The following ABCB1 variants were observed in gnomAD, a reference collection of about 807,000 sequenced individuals.
The protein encoded by ABCB1 is ATP binding cassette subfamily B member 1.
A neutral mutation model predicts 142.0 loss-of-function variants in ABCB1; 69 were observed. The ratio of observed to expected loss-of-function variants is 0.49; its 90% confidence interval spans 0.40 to 0.59. The LOEUF is 0.59. Among genes scored for constraint, ABCB1 ranks in the 20% least tolerant of loss-of-function variants. ABCB1 has a pLI of 0.00. For synonymous variants in ABCB1, 532 were observed against 539.2 expected (o/e 0.99, Z 0.18); for missense variants, 1,326 against 1,554.7 (o/e 0.85, Z 2.47).
chr7:87,506,101 T>C (rs1814725544), intron 26 of ABCB1, 58 bp from the exon 27 acceptor site: 2 of 1,566,790 alleles, frequency 1.3e-6, no homozygotes, highest in Non-Finnish European at 1.8e-6. Flanking sequence ...TCTAACAGCT[T>C]GCTTATAGAA....
At chr7:87,592,242 G>C (rs1036540806) in intron 3 of ABCB1, among the ~76,000 whole-genome samples, 4 of 152,182 alleles carry the variant, frequency 2.6e-5, no homozygotes, top group Non-Finnish European at 5.9e-5. Flanking sequence ...AGAAGAGAAT[G>C]AGTGGTAATA....
intron 4 of ABCB1, among the ~76,000 whole-genome samples, chr7:87,576,438 A>C (rs1275910629): frequency 6.7e-6 from 1 of 149,338 alleles, no homozygotes; most frequent in East Asian, 1.9e-4. Context: ...TATTATATAT[A>C]AAATATAATT....
intron 4 of ABCB1, among the ~76,000 whole-genome samples, chr7:87,574,342 A>G (rs1429506092): frequency 6.6e-6 from 1 of 152,168 alleles, no homozygotes. Flanking sequence ...GGCCTCCAAG[A>G]CACACCCCAG....
intron 1 of ABCB1, among the ~76,000 whole-genome samples, chr7:87,623,746 A>C (rs1820310017): frequency 6.6e-6 from 1 of 151,354 alleles, no homozygotes; most frequent in Non-Finnish European, 1.5e-5. Flanking sequence ...CTCGCTTCTG[A>C]TAGTTTTTTT....
chr7:87,693,249 C>G (rs904670201), intron 1 of ABCB1, among the ~76,000 whole-genome samples: 3 of 151,994 alleles, frequency 2.0e-5, no homozygotes, highest in Non-Finnish European at 4.4e-5. Context: ...GAAGCTGTAA[C>G]AAATAAAACA....
chr7:87,601,926 C>A (rs540025603), upstream of ABCB1, among the ~76,000 whole-genome samples: 3 of 152,328 alleles, frequency 2.0e-5, no homozygotes, highest in East Asian at 5.8e-4. Flanking sequence ...TTCTTGACTA[C>A]AAATTTTCCT....
At chr7:87,621,282 A>G (rs1299965244) in intron 1 of ABCB1, among the ~76,000 whole-genome samples, 1 of 152,170 alleles carries the variant, frequency 6.6e-6, no homozygotes, top group African/African-American at 2.4e-5. Flanking sequence ...GCCACTTATT[A>G]GATTTTGGTA....
intron 4 of ABCB1, among the ~76,000 whole-genome samples, chr7:87,582,568 C>T (rs1412612537): frequency 6.6e-6 from 1 of 152,104 alleles, no homozygotes; most frequent in Non-Finnish European, 1.5e-5. Context: ...CACTCAATAC[C>T]CTACTTCAGA....
chr7:87,621,455 T>C (rs1245102134), intron 1 of ABCB1, among the ~76,000 whole-genome samples: 1 of 152,078 alleles, frequency 6.6e-6, no homozygotes, highest in Non-Finnish European at 1.5e-5. Flanking sequence ...TTTGGAAAAA[T>C]TAGGCTCTTT....
At chr7:87,698,808 C>G (rs1828744815) in intron 1 of ABCB1, among the ~76,000 whole-genome samples, 1 of 152,154 alleles carries the variant, frequency 6.6e-6, no homozygotes, top group African/African-American at 2.4e-5. Context: ...GAAGTAAGCA[C>G]AGGGTCCTGT....
chr7:87,582,624 G>C (rs1370790760), intron 4 of ABCB1, among the ~76,000 whole-genome samples: 1 of 152,170 alleles, frequency 6.6e-6, no homozygotes. Flanking sequence ...AAATATCTTA[G>C]GCTCTGCAGA....
At chr7:87,504,759 T>A (rs934899982) in intron 27 of ABCB1, among the ~76,000 whole-genome samples, 3 of 148,868 alleles carry the variant, frequency 2.0e-5, no homozygotes, top group African/African-American at 7.5e-5. Flanking sequence ...GAGCCAAGAT[T>A]GCGCCACTGC....
intron 17 of ABCB1, among the ~76,000 whole-genome samples, chr7:87,541,944 A>G (rs1265255924): frequency 6.6e-6 from 1 of 152,216 alleles, no homozygotes; most frequent in Non-Finnish European, 1.5e-5. Flanking sequence ...CCTTCTTGGT[A>G]GGATGGCCAG....
At chr7:87,626,429 G>GTATGTGTCATATATGTGTCATATA (rs1563080735) in intron 1 of ABCB1, among the ~76,000 whole-genome samples, 1 of 14,432 alleles carries the variant, frequency 6.9e-5, no homozygotes. Context: ...TGTGTCATAT[G>GTATGTGTCATATATGTGTCATATA]TATGTGTCAT....
chr7:87,563,646 C>T (rs1817664591), intron 7 of ABCB1, among the ~76,000 whole-genome samples: 1 of 152,136 alleles, frequency 6.6e-6, no homozygotes. Flanking sequence ...TAAAGGAACA[C>T]ACCTCAAAAT....
chr7:87,599,656 C>T (rs1012471487), intron 2 of ABCB1, among the ~76,000 whole-genome samples: 1 of 152,126 alleles, frequency 6.6e-6, no homozygotes, highest in Non-Finnish European at 1.5e-5. Context: ...TGACTAAGAA[C>T]GGTTGGATAG....
chr7:87,641,458 T>C (rs1822444730), intron 1 of ABCB1, among the ~76,000 whole-genome samples: 1 of 152,210 alleles, frequency 6.6e-6, no homozygotes, highest in Non-Finnish European at 1.5e-5. Flanking sequence ...TACAGTTTGC[T>C]CCTGGCCTTT....
intron 4 of ABCB1, among the ~76,000 whole-genome samples, chr7:87,573,060 G>C (rs1476223023): frequency 6.6e-6 from 1 of 152,162 alleles, no homozygotes; most frequent in African/African-American, 2.4e-5. Flanking sequence ...ACATACCTGA[G>C]ACTGGGTAAT....
At chr7:87,660,525 T>A (rs1563111478) in intron 1 of ABCB1, among the ~76,000 whole-genome samples, 1 of 152,074 alleles carries the variant, frequency 6.6e-6, no homozygotes, top group Non-Finnish European at 1.5e-5. Flanking sequence ...TATTTTATGA[T>A]CGTTAGTTCC....
Sources: allele counts gnomAD v4.1 joint callset (sites outside exome capture counted in the v4.1 genomes callset), GRCh38; gene constraint gnomAD v4.1.1; transcripts MANE v1.5; gene names NCBI Gene and HGNC (gene_info 2026-07-23, HGNC 2026-07-21).